Variants in ADGRV1 observed in about 807,000 individuals in gnomAD.
The protein encoded by ADGRV1 is G-protein coupled receptor 98.
In ADGRV1, 359 loss-of-function variants were observed where a neutral mutation model predicts 596.2. That is an observed-to-expected ratio of 0.60 (90% CI 0.55 to 0.66). The LOEUF (loss-of-function observed/expected upper bound fraction) is 0.66, where lower values mean the gene tolerates loss of function less well. ADGRV1 is among the 30% of genes least tolerant of loss of function. The pLI, the probability that ADGRV1 is intolerant of heterozygous loss-of-function variation, is 0.00. For synonymous variants in ADGRV1, 2,681 were observed against 2,679.2 expected (o/e 1.00, Z -0.02); for missense variants, 7,274 against 7,575.6 (o/e 0.96, Z 1.48).
chr5:90,783,819 G>T lies in ADGRV1; in HGVS notation c.13434-19G>T, dbSNP rs752350230. 1.3e-6 allele frequency: 2 copies of T among 1,556,094 alleles called. No individual in the cohort carries two copies. Among genetic ancestry groups the T allele is most frequent in the East Asian group, 2.3e-5 (1 of 43,878 alleles). ...TTAATATGTTTAGACTCACAGAATT[G>T]CTCCTTCTTGCCATGCAGTGAATTT... On this transcript the variant is annotated intron_variant, in intron 66 of 89. Coordinates refer to ENST00000405460, the MANE Select transcript of ADGRV1 (RefSeq NM_032119.4).
At chr5:90,931,586 G>T (rs1204831011) in intron 83 of ADGRV1, among the ~76,000 whole-genome samples, 2 of 152,012 alleles carry the variant, frequency 1.3e-5, no homozygotes, top group African/African-American at 4.8e-5. Flanking sequence ...ATCACAAATT[G>T]TAAGAAAAAA....
chr5:90,920,015 A>AT lies in ADGRV1; in HGVS notation c.17857-45400_17857-45399insT, dbSNP rs1491328551. Among the ~76,000 whole-genome samples the AT allele has an allele frequency of 1.9e-4, 27 of 143,282 alleles. 1 individual carries two copies. The highest frequency in any genetic ancestry group is 6.7e-4 in the African/African-American group (26 of 38,734). 94.0% of individuals were successfully genotyped at this position (143,282 alleles called of 152,430 possible). A position where few individuals can be genotyped will look rare whatever the true frequency, so the allele number is the denominator to read the frequency against. On this transcript the variant is annotated intron_variant, in intron 83 of 89. Transcript: ENST00000405460. The stretch of plus-strand genomic sequence containing the variant: ...ATCTCAAAAAAAAAAAAAAAAAAAA[A>AT]GAAAAATATTTTGGAAGAGTAATAT...
chr5:90,743,723 T>A (rs1177183685), intron 50 of ADGRV1, among the ~76,000 whole-genome samples: 2 of 152,004 alleles, frequency 1.3e-5, no homozygotes, highest in Non-Finnish European at 2.9e-5. Context: ...TTCCTGCCTC[T>A]GCCTCCCAAA....
Position 90,828,798 on chromosome 5 carries a change from C to T in ADGRV1, c.16369-146C>T, listed in dbSNP as rs539318549. On this transcript the variant is annotated intron_variant, in intron 76 of 89. Coordinates refer to ENST00000405460, the MANE Select transcript of ADGRV1 (RefSeq NM_032119.4). ...TCATGATAATCTAAGAATTTAATTCCGTAATTATACAGAATATATCTCTAG... is the reference window on the plus strand; with the variant it reads ...TCATGATAATCTAAGAATTTAATTCTGTAATTATACAGAATATATCTCTAG... The T allele has an allele frequency of 4.3e-5, 19 of 436,934 alleles. No homozygotes were observed. In the South Asian group the frequency reaches 1.3e-3, roughly 30 times the overall value. 27.1% of individuals were successfully genotyped at this position (436,934 alleles called of 1,614,324 possible).
At chr5:91,109,702 G>C (rs539589570) in intron 87 of ADGRV1, among the ~76,000 whole-genome samples, 1 of 152,258 alleles carries the variant, frequency 6.6e-6, no homozygotes, top group Admixed American at 6.5e-5. Flanking sequence ...ACCATCCTGG[G>C]TCACATCCCA....
rs575318632 is a variant in ADGRV1 at position 90,783,289 on chromosome 5, G to T, written c.13397G>T (p.Ser4466Ile). Residue 4466 changes from serine (S) to isoleucine (I), a missense_variant, in exon 66 of 90, where the codon AGT becomes ATT. Coordinates refer to ENST00000405460, the MANE Select transcript of ADGRV1 (RefSeq NM_032119.4). ...ACCTTTCAGCATGGGCAAAACTTAA[G>T]TTTTATAAATATCTCCATCATTGAT... ...TVTFQHGQNL[S>I]FINISIIDDN... 6.2e-7 allele frequency: 1 copy of T among 1,613,080 alleles called. No individual in the cohort carries two copies. The highest frequency in any genetic ancestry group is 1.1e-5 in the South Asian group (1 of 91,060).
intron 84 of ADGRV1, among the ~76,000 whole-genome samples, chr5:90,973,536 G>C (rs1474596219): frequency 6.6e-6 from 1 of 152,132 alleles, no homozygotes; most frequent in Non-Finnish European, 1.5e-5. Flanking sequence ...GGGATGCAAG[G>C]CTGGTTCAAC....
At chr5:90,923,802 C>G (rs1382326155) in intron 83 of ADGRV1, among the ~76,000 whole-genome samples, 1 of 151,010 alleles carries the variant, frequency 6.6e-6, no homozygotes, top group Admixed American at 6.6e-5. Context: ...CACCACAGTC[C>G]CCAGAGTGTG....
Position 90,558,817 on chromosome 5 carries a change from C to G in ADGRV1, c.-79C>G. ...GTAGTGGTAGTAAGAATCAGCAGCG[C>G]GGGCAAGGAGTACGGACGGGAGTCA... On this transcript the variant is annotated 5_prime_UTR_variant, in exon 1 of 90. Coordinates refer to ENST00000405460, the MANE Select transcript of ADGRV1 (RefSeq NM_032119.4). 7.2e-7 allele frequency: 1 copy of G among 1,394,816 alleles called. No individual in the cohort carries two copies. Among genetic ancestry groups the G allele is most frequent in the East Asian group, 2.5e-5 (1 of 40,438 alleles). 86.4% of individuals were successfully genotyped at this position (1,394,816 alleles called of 1,614,324 possible).
At chr5:90,882,331 G>A (rs955782867) in intron 83 of ADGRV1, among the ~76,000 whole-genome samples, 2 of 152,122 alleles carry the variant, frequency 1.3e-5, no homozygotes, top group African/African-American at 4.8e-5. Context: ...TGAATATTCT[G>A]TTGAGAAAGG....
rs372914604 is a variant in ADGRV1, at chr5:91,002,381, C to T, written c.18152+16859C>T. 5.3e-5 allele frequency among the ~76,000 whole-genome samples: 8 copies of T among 152,262 alleles called. 2 individuals are homozygous for T. The South Asian group carries it at 1.7e-3, about 32-fold the overall frequency. ...TCCCATGCATCTGTCACAGCTTCTC[C>T]AGCTTGTCTGCTATGAAAGTGATTT... On this transcript the variant is annotated intron_variant, in intron 85 of 89. Coordinates refer to ENST00000405460, the MANE Select transcript of ADGRV1 (RefSeq NM_032119.4).
At chr5:91,107,168 G>A (rs772362090) in intron 87 of ADGRV1, among the ~76,000 whole-genome samples, 32 of 151,480 alleles carry the variant, frequency 2.1e-4, no homozygotes, top group African/African-American at 7.1e-4. Flanking sequence ...GTACTGATTC[G>A]GCTGGTCTGG....
chr5:91,024,387 C>A (rs536503538), intron 85 of ADGRV1, among the ~76,000 whole-genome samples: 60 of 152,266 alleles, frequency 3.9e-4, no homozygotes, highest in Non-Finnish European at 7.4e-4. Flanking sequence ...TAAAGTATTG[C>A]TCTATTAACT....
intron 51 of ADGRV1, 115 bp from the exon 52 acceptor site, chr5:90,745,476 G>T (rs1482239687): frequency 1.2e-6 from 1 of 804,972 alleles, no homozygotes; most frequent in African/African-American, 1.7e-5. Flanking sequence ...TTTTCGTTAT[G>T]AAATGTTGTG....
At chr5:90,724,746 C>T (rs1414956636) in intron 45 of ADGRV1, 86 bp from the exon 46 acceptor site, 3 of 1,223,254 alleles carry the variant, frequency 2.5e-6, no homozygotes, top group South Asian at 1.3e-5. Context: ...CACAAATGCA[C>T]TTGTCTCATT....
chr5:91,052,209 G>C (rs1024129499), intron 85 of ADGRV1, among the ~76,000 whole-genome samples: 1 of 151,348 alleles, frequency 6.6e-6, no homozygotes, highest in Non-Finnish European at 1.5e-5. Flanking sequence ...TATAAGGATT[G>C]AAGAAAGGGA....
chr5:91,147,763 T>C (rs1400309759), intron 87 of ADGRV1, among the ~76,000 whole-genome samples: 1 of 152,156 alleles, frequency 6.6e-6, no homozygotes, highest in Non-Finnish European at 1.5e-5. Flanking sequence ...GCTATAAAGC[T>C]ATCCAAAAAT....
In ADGRV1 at chr5:90,628,798, T is replaced by C; in HGVS notation, c.1475T>C (p.Ile492Thr). 1 of 1,614,038 alleles carries C rather than the reference T, an allele frequency of 6.2e-7. No homozygotes were observed. Among genetic ancestry groups the C allele is most frequent in the South Asian group, 1.1e-5 (1 of 91,086 alleles). ...CTACTTCAAATTCTGCCTCATACAATACGAGGAGGTGCAGAAGTGAGCGAG... is the reference window on the plus strand; with the variant it reads ...CTACTTCAAATTCTGCCTCATACAACACGAGGAGGTGCAGAAGTGAGCGAG... Reference protein sequence around the residue: ...AYLLQILPHTIRGGAEVSEPA... With the variant: ...AYLLQILPHTTRGGAEVSEPA... Residue 492 changes from isoleucine to threonine, a missense_variant, in exon 8 of 90, where the codon ATA becomes ACA. Transcript: ENST00000405460.
At chr5:90,960,851 ATGGTGTACGAAGAG>A (rs1159437233) in intron 83 of ADGRV1, among the ~76,000 whole-genome samples, 1 of 152,200 alleles carries the variant, frequency 6.6e-6, no homozygotes. Context: ...TTTGGATAGA[ATGGTGTACGAAGAG>A]TCTTATGGAA....
Sources: gnomAD v4.1 joint callset for allele counts (sites outside exome capture counted in the v4.1 genomes callset) on GRCh38, gnomAD v4.1.1 for gene constraint, MANE v1.5 for transcripts, NCBI Gene and HGNC (gene_info 2026-07-23, HGNC 2026-07-21) for gene names.